Variants in CNTN4 observed in about 807,000 individuals in gnomAD.
The protein encoded by CNTN4 is contactin 4.
CNTN4 carries 77 observed loss-of-function variants against 122.5 expected under a neutral mutation model. That is an observed-to-expected ratio of 0.63 (90% CI 0.52 to 0.76). The LOEUF (loss-of-function observed/expected upper bound fraction) is 0.76. Among genes scored for constraint, CNTN4 ranks in the 30% least tolerant of loss-of-function variants. The probability of loss-of-function intolerance (pLI) is 0.00; values close to 1 mark genes in which losing one functional copy is unlikely to be tolerated. For missense variants in CNTN4, 1,256 were observed against 1,259.1 expected, an observed-to-expected ratio of 1.00 and a Z score of 0.04; for synonymous variants, 512 against 447.0, an observed-to-expected ratio of 1.15 and a Z score of -1.83.
In CNTN4 at chr3:2,834,086, C is replaced by T. The variant is rs192632366; in HGVS notation, c.454+14505C>T. On this transcript the variant is annotated intron_variant, in intron 7 of 24. Coordinates refer to ENST00000418658, the MANE Select transcript of CNTN4 (RefSeq NM_175607.3). ...ACTTGATCACGGGAGGCAGAGGTTG[C>T]AGTAAGCCGAGATCGCCACTGCTCT... is the stretch of plus-strand genomic sequence containing the variant. 1.1e-3 allele frequency among the ~76,000 whole-genome samples: 165 copies of T among 151,868 alleles called. 2 individuals are homozygous for T. Among genetic ancestry groups the T allele is most frequent in the African/African-American group, 3.9e-3 (163 of 41,396 alleles).
chr3:3,041,925 T>G (rs1700201132), intron 20 of CNTN4, among the ~76,000 whole-genome samples: 1 of 152,160 alleles, frequency 6.6e-6, no homozygotes, highest in Admixed American at 6.5e-5. Flanking sequence ...TGCCACTACA[T>G]TCCAGCCTAG....
intron 3 of CNTN4, among the ~76,000 whole-genome samples, chr3:2,538,559 T>C: frequency 6.6e-6 from 1 of 152,092 alleles, no homozygotes; most frequent in Admixed American, 6.6e-5. Context: ...ATATACTAAC[T>C]TGTCTCTAAT....
intron 3 of CNTN4, among the ~76,000 whole-genome samples, chr3:2,425,512 C>T (rs1246011115): frequency 6.6e-6 from 1 of 152,132 alleles, no homozygotes; most frequent in Non-Finnish European, 1.5e-5. Flanking sequence ...CGTGATGCCT[C>T]CAGCTTTGTT....
chr3:2,192,388 C>T (rs921014731), intron 2 of CNTN4, among the ~76,000 whole-genome samples: 2 of 152,062 alleles, frequency 1.3e-5, no homozygotes, highest in Admixed American at 6.6e-5. Flanking sequence ...CTCTCCAGCA[C>T]CTGTTGTTTC....
intron 2 of CNTN4, among the ~76,000 whole-genome samples, chr3:2,141,494 T>C (rs1257170305): frequency 3.9e-5 from 6 of 152,156 alleles, no homozygotes; most frequent in Non-Finnish European, 5.9e-5. Context: ...CCAGTCTTAA[T>C]TGTAGCCCAG....
At chr3:2,880,577 G>A (rs1438942772) in intron 8 of CNTN4, among the ~76,000 whole-genome samples, 1 of 152,196 alleles carries the variant, frequency 6.6e-6, no homozygotes, top group Non-Finnish European at 1.5e-5. Flanking sequence ...TTGTGCAGAT[G>A]CTGAAAGAAA....
intron 4 of CNTN4, 97 bp downstream of exon 4, chr3:2,571,655 C>T (rs189603935): frequency 4.5e-5 from 39 of 875,766 alleles, no homozygotes; most frequent in African/African-American, 4.4e-4. Flanking sequence ...ATGATAAAAT[C>T]GCAAGAGTAT....
chr3:2,895,478 C>G (rs758531905), intron 10 of CNTN4, among the ~76,000 whole-genome samples: 1 of 152,148 alleles, frequency 6.6e-6, no homozygotes, highest in Admixed American at 6.5e-5. Context: ...GAGTTGCCTT[C>G]TAGTGTATCT....
intron 8 of CNTN4, among the ~76,000 whole-genome samples, chr3:2,867,364 A>G (rs2093735714): frequency 6.6e-6 from 1 of 152,224 alleles, no homozygotes; most frequent in Admixed American, 6.5e-5. Flanking sequence ...CTGAACGCAT[A>G]GTTCCCACCA....
chr3:2,539,828 G>A (rs1320680279), intron 3 of CNTN4, among the ~76,000 whole-genome samples: 1 of 151,908 alleles, frequency 6.6e-6, no homozygotes, highest in Non-Finnish European at 1.5e-5. Context: ...TATGATAACT[G>A]ATATTCAGGA....
intron 3 of CNTN4, among the ~76,000 whole-genome samples, chr3:2,340,840 C>G (rs1442550759): frequency 2.0e-5 from 3 of 151,092 alleles, no homozygotes; most frequent in African/African-American, 7.3e-5. Flanking sequence ...AACAAACCAC[C>G]CCAAAACTCA....
intron 5 of CNTN4, among the ~76,000 whole-genome samples, chr3:2,742,250 G>A (rs1035978646): frequency 4.6e-5 from 7 of 152,122 alleles, no homozygotes; most frequent in Non-Finnish European, 1.0e-4. Context: ...TCCCTCAACT[G>A]AGCCTTCTCT....
At chr3:2,374,039 C>A (rs2045729782) in intron 3 of CNTN4, among the ~76,000 whole-genome samples, 1 of 150,764 alleles carries the variant, frequency 6.6e-6, no homozygotes, top group Admixed American at 6.6e-5. Flanking sequence ...AACTTTTGTT[C>A]TCCGGGATAC....
At chr3:2,499,519 T>C (rs566047184) in intron 3 of CNTN4, among the ~76,000 whole-genome samples, 18 of 152,220 alleles carry the variant, frequency 1.2e-4, no homozygotes, top group African/African-American at 4.3e-4. Flanking sequence ...CCAATAAAAC[T>C]GTTATTTTTT....
intron 3 of CNTN4, among the ~76,000 whole-genome samples, chr3:2,475,689 C>T (rs776605754): frequency 6.6e-6 from 1 of 152,100 alleles, no homozygotes; most frequent in Non-Finnish European, 1.5e-5. Context: ...TCAGGATGCA[C>T]TTGCCTGCCC....
At chr3:2,938,081 G>C (rs980203861) in intron 13 of CNTN4, among the ~76,000 whole-genome samples, 2 of 152,180 alleles carry the variant, frequency 1.3e-5, no homozygotes, top group African/African-American at 4.8e-5. Context: ...GAAACACGGT[G>C]AGTCAGCTTA....
intron 2 of CNTN4, among the ~76,000 whole-genome samples, chr3:2,303,444 G>A (rs2042597012): frequency 6.6e-6 from 1 of 152,044 alleles, no homozygotes; most frequent in Non-Finnish European, 1.5e-5. Context: ...ATGGAAGCAG[G>A]CGATATGTGG....
chr3:2,574,183 T>C (rs1410453190), intron 4 of CNTN4, among the ~76,000 whole-genome samples: 2 of 152,202 alleles, frequency 1.3e-5, no homozygotes, highest in Non-Finnish European at 2.9e-5. Flanking sequence ...GCCACTGCAC[T>C]CCAGCCTGGG....
Position 2,838,365 on chromosome 3 carries a change from A to G in CNTN4, c.454+18784A>G, listed in dbSNP as rs181852485. The stretch of plus-strand genomic sequence containing the variant: ...TAATGTGAGTTATTGAGTAAGTCCA[A>G]GGGCTCTTCTGGTCACCCTTTCACA... On this transcript the variant is annotated intron_variant, in intron 7 of 24. Coordinates refer to ENST00000418658, the MANE Select transcript of CNTN4 (RefSeq NM_175607.3). 3.3e-5 allele frequency among the ~76,000 whole-genome samples: 5 copies of G among 152,306 alleles called. No individual in the cohort carries two copies. In the East Asian group the frequency reaches 5.8e-4, roughly 18 times the overall value.
Sources: allele counts gnomAD v4.1 joint callset (sites outside exome capture counted in the v4.1 genomes callset), GRCh38; gene constraint gnomAD v4.1.1; transcripts MANE v1.5; gene names NCBI Gene and HGNC (gene_info 2026-07-23, HGNC 2026-07-21).